Variants in CCDC197 observed in about 807,000 individuals in gnomAD.
The protein encoded by CCDC197 is coiled-coil domain containing 197, also known as uncharacterized protein CCDC197.
CCDC197 carries 24 observed loss-of-function variants against 13.4 expected under a neutral mutation model. The ratio of observed to expected loss-of-function variants is 1.80; its 90% CI spans 1.30 to 2.53. The LOEUF (loss-of-function observed/expected upper bound fraction) is 2.53. Ranked by LOEUF, CCDC197 falls within the 30% of genes most tolerant of loss-of-function variation. The pLI is 0.00. For missense variants in CCDC197, 255 were observed against 148.8 expected (o/e 1.71, Z -3.71); for synonymous variants, 99 against 55.5 (o/e 1.78, Z -3.48).
chr14:93,988,442 G>A (rs1465806006), intron 1 of CCDC197, among the ~76,000 whole-genome samples: 11 of 76,752 alleles, frequency 1.4e-4, no homozygotes, highest in African/African-American at 5.9e-4. Flanking sequence ...AGGAGAGGAT[G>A]GGAGGAGGAG....
At chr14:93,995,121 C>A (rs529835600), upstream of CCDC197, among the ~76,000 whole-genome samples, 1 of 152,238 alleles carries the variant, frequency 6.6e-6, no homozygotes, top group South Asian at 2.1e-4. Context: ...GAGTCACTCC[C>A]GCTGCCACGC....
intron 6 of CCDC197, among the ~76,000 whole-genome samples, chr14:94,006,246 A>C (rs1890674976): frequency 6.6e-6 from 1 of 152,176 alleles, no homozygotes; most frequent in Admixed American, 6.5e-5. Flanking sequence ...CACTTCTCTG[A>C]TGACTAATGA....
chr14:93,991,046 T>G (rs1890202205), intron 1 of CCDC197, among the ~76,000 whole-genome samples: 1 of 152,218 alleles, frequency 6.6e-6, no homozygotes, highest in Admixed American at 6.5e-5. Context: ...AGTGTTCTTT[T>G]CATGCTGAAG....
At chr14:93,994,582 T>G (rs1162775437), upstream of CCDC197, among the ~76,000 whole-genome samples, 1 of 152,228 alleles carries the variant, frequency 6.6e-6, no homozygotes, top group Non-Finnish European at 1.5e-5. Flanking sequence ...CTTGTCTGTG[T>G]GTTCTCTCAG....
chr14:94,008,697 A>G lies in CCDC197; in HGVS notation c.704A>G (p.Asp235Gly), dbSNP rs932360893. The change falls in exon 7 of 7, where the codon GAC (aspartate) becomes GGC (glycine). Residue 235 changes from aspartate (D) to glycine (G), a missense_variant. Asp to Gly is a moderately conservative substitution (Grantham distance 94). Coordinates refer to ENST00000636493, the MANE Select transcript of CCDC197 (RefSeq NM_001351596.2). Reference sequence around the variant, plus strand: ...TGCTGGTCATGGGACAGCTTCGGGGACCAGTGGCTCAGAAGACACCCCAAA... The same window carrying G: ...TGCTGGTCATGGGACAGCTTCGGGGGCCAGTGGCTCAGAAGACACCCCAAA... ...KVCWSWDSFG[D>G]QWLRRHPKPF... 1 of 702,910 alleles carries G rather than the reference A, an allele frequency of 1.4e-6. No individual in the cohort carries two copies. The highest frequency in any genetic ancestry group is 2.6e-6 in the Non-Finnish European group (1 of 385,004). The allele number at this position is 702,910 out of a possible 1,614,324, so 43.5% of individuals were successfully genotyped here.
At position 94,003,359 on chromosome 14, in the gene CCDC197, G is replaced by A. The variant is rs745569522; in HGVS notation, c.498+5G>A. On this transcript the variant is annotated splice_donor_5th_base_variant and intron_variant, in intron 5 of 6. Transcript: ENST00000636493. This position sits in a 1 kb window ranked among gnomAD's most constrained non-coding sequence, Gnocchi z 5.0. ...CACACCAGCAGCAGCTATAATGTGA[G>A]TCCAGTCTTTCAGCCTGGGGGTGGG... The A allele has an allele frequency of 7.7e-6, 5 of 650,108 alleles. No homozygotes were observed. The highest frequency in any genetic ancestry group is 5.7e-5 in the South Asian group (4 of 69,904). 40.3% of individuals were successfully genotyped at this position (650,108 alleles called of 1,614,324 possible).
downstream of CCDC197, among the ~76,000 whole-genome samples, chr14:94,010,788 G>T (rs1890795647): frequency 6.6e-6 from 1 of 152,128 alleles, no homozygotes; most frequent in African/African-American, 2.4e-5. Context: ...TGCAAGGGGA[G>T]CCTCACACAC....
chr14:94,009,107 C>T (rs1018697120), downstream of CCDC197, among the ~76,000 whole-genome samples: 1 of 152,208 alleles, frequency 6.6e-6, no homozygotes, highest in African/African-American at 2.4e-5. Flanking sequence ...GCCGGGGCTA[C>T]ATCTCTCACT....
intron 2 of CCDC197, 163 bp from the exon 3 acceptor site, chr14:93,999,420 A>T (rs1035697121): frequency 1.7e-6 from 1 of 595,344 alleles, no homozygotes; most frequent in African/African-American, 1.9e-5. Flanking sequence ...AGTGAAATGA[A>T]GGTGCAGAGA....
In CCDC197 at chr14:94,003,648, C is replaced by T. The variant is rs1213478235; in HGVS notation, c.498+294C>T. 1.3e-5 allele frequency among the ~76,000 whole-genome samples: 2 copies of T among 151,900 alleles called. No individual in the cohort carries two copies. The highest frequency in any genetic ancestry group is 2.9e-5 in the Non-Finnish European group (2 of 67,956). On this transcript the variant is annotated intron_variant, in intron 5 of 6. Coordinates refer to ENST00000636493, the MANE Select transcript of CCDC197 (RefSeq NM_001351596.2). This position sits in a 1 kb window ranked among gnomAD's most constrained non-coding sequence, Gnocchi z 5.0. ...ACACACACAGACATGCAAACACACG[C>T]ACAGACACACAGACACATACACACA...
intron 3 of CCDC197, 128 bp downstream of exon 3, chr14:93,999,793 C>A (rs1890437527): frequency 3.0e-6 from 2 of 665,402 alleles, no homozygotes; most frequent in Non-Finnish European, 5.4e-6. Context: ...TCCACAAAGG[C>A]CAACCCCACA....
rs1424842060 is a variant in CCDC197, at chr14:93,998,077, T to C, written c.-55T>C. On this transcript the variant is annotated 5_prime_UTR_variant, in exon 2 of 7. Coordinates refer to ENST00000636493, the MANE Select transcript of CCDC197 (RefSeq NM_001351596.2). ...ACTGTCCCTTTTCGGTCTGTCTTCATCCTGCCTGACTCACGGGTCTCCTGT... is the reference window on the plus strand; with the variant it reads ...ACTGTCCCTTTTCGGTCTGTCTTCACCCTGCCTGACTCACGGGTCTCCTGT... The C allele has an allele frequency of 9.0e-6, 7 of 778,114 alleles. 1 individual carries two copies. Among genetic ancestry groups the C allele is most frequent in the Admixed American group, 5.1e-5 (3 of 58,888 alleles). The allele number at this position is 778,114 out of a possible 1,614,324, so 48.2% of individuals were successfully genotyped here.
chr14:94,004,100 A>G (rs1890613882), intron 5 of CCDC197, among the ~76,000 whole-genome samples: 2 of 152,210 alleles, frequency 1.3e-5, no homozygotes, highest in African/African-American at 2.4e-5. Context: ...AGAACAAGTC[A>G]TGGCCAAAGT....
chr14:94,011,152 C>T (rs1890801136), downstream of CCDC197, among the ~76,000 whole-genome samples: 1 of 152,176 alleles, frequency 6.6e-6, no homozygotes, highest in Non-Finnish European at 1.5e-5. Context: ...TGGGGCTGGA[C>T]CGGGCATTCC....
intron 1 of CCDC197, among the ~76,000 whole-genome samples, chr14:93,992,064 A>T (rs1316373953): frequency 6.6e-6 from 1 of 152,244 alleles, no homozygotes; most frequent in African/African-American, 2.4e-5. Context: ...GAAATCAGCC[A>T]TGGCGGGCGG....
At chr14:93,989,965 G>A (rs1015866110) in intron 1 of CCDC197, among the ~76,000 whole-genome samples, 3 of 152,136 alleles carry the variant, frequency 2.0e-5, no homozygotes, top group African/African-American at 7.2e-5. Context: ...GCTCCTAGTG[G>A]CTTCTCTGGT....
At chr14:94,008,504 G>C (rs190991179) in intron 6 of CCDC197, 105 bp from the exon 7 acceptor site, 65 of 647,146 alleles carry the variant, frequency 1.0e-4, no homozygotes, top group Admixed American at 8.7e-4. Flanking sequence ...GCGCTTGTGA[G>C]AGTTAAAGGA....
upstream of CCDC197, among the ~76,000 whole-genome samples, chr14:93,994,748 C>A (rs558914253): frequency 6.6e-6 from 1 of 152,154 alleles, no homozygotes; most frequent in African/African-American, 2.4e-5. Context: ...AATTTTTGAG[C>A]GTGGGAAGGG....
Position 93,998,232 on chromosome 14 carries a change from C to G in CCDC197, c.101C>G (p.Ala34Gly), listed in dbSNP as rs747608390. 4 of 779,688 alleles carry G rather than the reference C, an allele frequency of 5.1e-6. No individual in the cohort carries two copies. Among genetic ancestry groups the G allele is most frequent in the South Asian group, 1.3e-5 (1 of 74,570 alleles). The allele number at this position is 779,688 out of a possible 1,614,324, so 48.3% of individuals were successfully genotyped here. A position where few individuals can be genotyped will look rare whatever the true frequency, so the allele number is the denominator to read the frequency against. Residue 34 changes from alanine (A) to glycine (G), a missense_variant, in exon 2 of 7, where the codon GCT becomes GGT. Ala to Gly is a moderately conservative substitution (Grantham distance 60). Transcript: ENST00000636493. ...TGGCAGGAACTCTACCAGCTCCAGG[C>G]TAAGTATGTGTTGTCCCACCCCTGC... ...GLWQELYQLQ[A>G]KQKKLKREVE...
Sources: allele counts gnomAD v4.1 joint callset (sites outside exome capture counted in the v4.1 genomes callset), GRCh38; gene constraint gnomAD v4.1.1; non-coding constraint Gnocchi (gnomAD v3.1); transcripts MANE v1.5; gene names NCBI Gene and HGNC (gene_info 2026-07-23, HGNC 2026-07-21).